The following RNF213 variants were observed in gnomAD, a reference collection of about 807,000 sequenced individuals.
RNF213 encodes the protein ring finger protein 213.
A neutral mutation model predicts 514.4 loss-of-function variants in RNF213; 341 were observed. The ratio of observed to expected loss-of-function variants is 0.66; its 90% CI spans 0.61 to 0.73. The LOEUF is 0.73. Ranked by LOEUF, RNF213 falls within the 30% of genes least tolerant of loss-of-function variation. The pLI, the probability that RNF213 is intolerant of heterozygous loss-of-function variation, is 0.00. For missense variants in RNF213, 5,767 were observed against 6,615.6 expected (o/e 0.87, Z 4.45); for synonymous variants, 2,655 against 2,658.2 (o/e 1.00, Z 0.04).
chr17:80,360,085 C>G lies in RNF213; in HGVS notation c.11079C>G (p.Ile3693Met). 2 of 1,614,166 alleles carry G rather than the reference C, an allele frequency of 1.2e-6. No homozygotes were observed. Among genetic ancestry groups the G allele is most frequent in the African/African-American group, 1.3e-5 (1 of 75,056 alleles). ...NERHKGEMAY[I>M]VVQNHMNLSE... ...GACATAAAGGTGAGATGGCCTACAT[C>G]GTGGTGCAGAACCACATGAACCTTT... The change falls in exon 38 of 68, where the codon ATC (isoleucine) becomes ATG (methionine). Residue 3693 changes from isoleucine to methionine, a missense_variant. Physicochemically the swap from Ile to Met is conservative, Grantham distance 10 (BLOSUM62 1). Coordinates refer to ENST00000582970, the MANE Select transcript of RNF213 (RefSeq NM_001256071.3).
Position 80,395,239 on chromosome 17 carries a change from C to CAAAA in RNF213, c.*1752_*1755dup, listed in dbSNP as rs34401044. The CAAAA allele has an allele frequency of 1.5e-5, 2 of 133,274 alleles. No homozygotes were observed. Among genetic ancestry groups the CAAAA allele is most frequent in the African/African-American group, 5.3e-5 (2 of 37,494 alleles). 8.3% of individuals were successfully genotyped at this position (133,274 alleles called of 1,614,324 possible). On this transcript the variant is annotated 3_prime_UTR_variant, in exon 68 of 68. Coordinates refer to ENST00000582970, the MANE Select transcript of RNF213 (RefSeq NM_001256071.3). ...CAGAAATATACTGGCCTAGCAGAGG[C>CAAAA]AAAAAAAAAAAAAATGAATTTTATT...
At position 80,315,252 on chromosome 17, in the gene RNF213, GACGTGA is replaced by G. The variant is rs1440723479; in HGVS notation, c.2812-1935_2812-1930del. On this transcript the variant is annotated intron_variant, in intron 15 of 67. Transcript: ENST00000582970. ...GGAGGTACTGGAGGTGATGGTGGTG[GACGTGA>G]TGGTGGAGGTAATGGAGGTGATGGT... Among the ~76,000 whole-genome samples the G allele has an allele frequency of 2.7e-4, 9 of 32,840 alleles. 1 individual carries two copies. Among genetic ancestry groups the G allele is most frequent in the Non-Finnish European group, 4.1e-4 (8 of 19,310 alleles). The allele number at this position is 32,840 out of a possible 152,430, so 21.5% of individuals were successfully genotyped here.
intron 42 of RNF213, chr17:80,365,122 C>G (rs979697513): frequency 6.0e-6 from 1 of 166,700 alleles, no homozygotes; most frequent in Non-Finnish European, 1.3e-5. Flanking sequence ...TGGTGTCCAG[C>G]AACAGTGGCC....
chr17:80,328,453 G>A lies in RNF213; in HGVS notation c.3493G>A (p.Gly1165Arg). Reference protein sequence around the residue: ...RCVDSLLKMCGNVKHLIQVDF... With the variant: ...RCVDSLLKMCRNVKHLIQVDF... Reference sequence around the variant, plus strand: ...TGTTGATAGTCTCCTGAAGATGTGTGGGAACGTGAAACATCTGATACAAGG... The same window carrying A: ...TGTTGATAGTCTCCTGAAGATGTGTAGGAACGTGAAACATCTGATACAAGG... Residue 1165 changes from glycine (G) to arginine (R), a missense_variant, in exon 20 of 68, where the codon GGG becomes AGG. By Grantham distance (125) the Gly-to-Arg change is moderately radical. Around this residue, in one of 13 missense-constraint regions of RNF213, gnomAD observed 516 missense variants for 566.5 expected, o/e 0.91. Transcript: ENST00000582970. 6.5e-7 allele frequency: 1 copy of A among 1,537,198 alleles called. No homozygotes were observed. The highest frequency in any genetic ancestry group is 8.7e-7 in the Non-Finnish European group (1 of 1,146,912).
At chr17:80,373,258 CCCCCACACCCCA>C in intron 49 of RNF213, 93 bp downstream of exon 49, 1 of 1,028,196 alleles carries the variant, frequency 9.7e-7, no homozygotes, top group Non-Finnish European at 1.4e-6. Context: ...CACCCTACCC[CCCCCACACCCCA>C]CCCCCTCACA....
chr17:80,396,955 C>T lies in RNF213; in HGVS notation c.*3457C>T, dbSNP rs1053927609. ...GTGCTCCACAGCCCATAAAAAACGC[C>T]TTCAGCCCTGCTGTGCTTCCCCTCA... is the stretch of plus-strand genomic sequence containing the variant. On this transcript the variant is annotated 3_prime_UTR_variant, in exon 68 of 68. Transcript: ENST00000582970. 1 of 152,324 alleles carries T rather than the reference C, an allele frequency of 6.6e-6. No individual in the cohort carries two copies. The highest frequency in any genetic ancestry group is 1.5e-5 in the Non-Finnish European group (1 of 68,160). The allele number at this position is 152,324 out of a possible 1,614,324, so 9.4% of individuals were successfully genotyped here.
At chr17:80,310,472 C>CA (rs988063035) in intron 14 of RNF213, among the ~76,000 whole-genome samples, 2 of 151,946 alleles carry the variant, frequency 1.3e-5, no homozygotes, top group African/African-American at 4.8e-5. Context: ...AAGCTGGTCT[C>CA]AAACGCCTGA....
Position 80,343,994 on chromosome 17 carries a change from G to A in RNF213, c.6321G>A (p.Pro2107=), listed in dbSNP as rs777754815. 25 of 1,614,186 alleles carry A rather than the reference G, an allele frequency of 1.5e-5. No individual in the cohort carries two copies. Among genetic ancestry groups the A allele is most frequent in the Middle Eastern group, 3.3e-4 (2 of 6,062 alleles). Residue 2107 remains proline (P), a synonymous_variant, in exon 28 of 68, where the codon CCG becomes CCA. Transcript: ENST00000582970. This position sits in a 1 kb window ranked among gnomAD's most constrained non-coding sequence, Gnocchi z 4.3. ...VEILERRTSV[P]SRSSSALRTR... is the part of the protein sequence containing the mutation. ...TCCTGGAAAGGAGGACGTCAGTGCC[G>A]TCGAGGAGCTCTTCAGCGCTGGTCT...
chr17:80,353,510 A>G lies in RNF213; in HGVS notation c.10424-2A>G. 1.2e-6 allele frequency: 2 copies of G among 1,608,652 alleles called. No individual in the cohort carries two copies. Among genetic ancestry groups the G allele is most frequent in the South Asian group, 1.1e-5 (1 of 90,290 alleles). On this transcript the variant is annotated splice_acceptor_variant, in intron 33 of 67. Coordinates refer to ENST00000582970, the MANE Select transcript of RNF213 (RefSeq NM_001256071.3). LOFTEE classifies it high-confidence loss of function. This position sits in a 1 kb window ranked among gnomAD's most constrained non-coding sequence, Gnocchi z 5.0. ...ACGCAATCACGTTTGCTTCGACTGC[A>G]GTGGGCTTGGAACACCGGGCGGAAG...
At position 80,367,985 on chromosome 17, in the gene RNF213, C is replaced by G. The variant is rs748912687; in HGVS notation, c.11997C>G (p.Ile3999Met). 3.7e-6 allele frequency: 6 copies of G among 1,614,146 alleles called. No individual in the cohort carries two copies. The East Asian group carries it at 8.9e-5, about 24-fold the overall frequency. Reference sequence around the variant, plus strand: ...GGTTTGGGATTCAGCCGTGCTCCATCTGCCTGGGAGATGCAAAGGACCCCG... The same window carrying G: ...GGTTTGGGATTCAGCCGTGCTCCATGTGCCTGGGAGATGCAAAGGACCCCG... ...LSRFGIQPCS[I>M]CLGDAKDPVC... Residue 3999 changes from isoleucine to methionine, a missense_variant, in exon 44 of 68, where the codon ATC becomes ATG. Transcript: ENST00000582970.
At position 80,339,473 on chromosome 17, in the gene RNF213, C is replaced by T. The variant is rs1175027425; in HGVS notation, c.5106C>T (p.Asn1702=). ...TQKRMEHFYL[N]FYTAEQLVYL... is the part of the protein sequence containing the mutation. ...AGCGAATGGAGCACTTTTACCTGAA[C>T]TTCTACACGGCAGAGCAGCTGGTTT... Residue 1702 remains asparagine (N), a synonymous_variant, in exon 26 of 68, where the codon AAC becomes AAT. Transcript: ENST00000582970. The T allele has an allele frequency of 9.1e-6, 14 of 1,537,128 alleles. No homozygotes were observed. In the African/African-American group the frequency reaches 1.5e-4, roughly 17 times the overall value.
At chr17:80,301,596 T>C (rs1039985835) in intron 11 of RNF213, among the ~76,000 whole-genome samples, 15 of 152,112 alleles carry the variant, frequency 9.9e-5, no homozygotes, top group African/African-American at 3.6e-4. Context: ...CAATGAGATA[T>C]GGTCTTACCC....
chr17:80,385,543 T>G lies in RNF213; in HGVS notation c.14461T>G (p.Leu4821Val), dbSNP rs1318197924. The G allele has an allele frequency of 1.9e-6, 3 of 1,613,954 alleles. No individual in the cohort carries two copies. The highest frequency in any genetic ancestry group is 2.5e-6 in the Non-Finnish European group (3 of 1,179,980). The change falls in exon 61 of 68, where the codon TTG becomes GTG. Residue 4821 changes from leucine (L) to valine (V), a missense_variant. This residue lies in a region of RNF213 where 1,245 missense variants were observed against 1,339.0 expected (regional missense o/e 0.93). Coordinates refer to ENST00000582970, the MANE Select transcript of RNF213 (RefSeq NM_001256071.3). ...GFLSKHSSDG[L>V]RQLLHNRITV... ...CCAAGTATTCTGTTCAACAGATGGG[T>G]TGAGGCAGCTGCTTCACAACAGGAT...
intron 17 of RNF213, chr17:80,319,573 C>A: frequency 1.3e-6 from 2 of 1,593,042 alleles, no homozygotes; most frequent in Non-Finnish European, 1.7e-6. Context: ...GCGCGTGTGG[C>A]ACAAGTCACA....
At chr17:80,284,651 G>A (rs569402462) in intron 3 of RNF213, among the ~76,000 whole-genome samples, 3 of 152,234 alleles carry the variant, frequency 2.0e-5, no homozygotes, top group Non-Finnish European at 2.9e-5. Context: ...GATGAGCCCC[G>A]AGCCTGTAGG....
Position 80,354,100 on chromosome 17 carries a change from T to G in RNF213, c.10660T>G (p.Cys3554Gly). The G allele has an allele frequency of 6.2e-7, 1 of 1,614,086 alleles. No homozygotes were observed. ...VGMLRDQNESCTRNMRRVVLL... is the reference protein window; with the variant it reads ...VGMLRDQNESGTRNMRRVVLL... ...CATGCTCAGAGACCAGAACGAGAGC[T>G]GCACGCGCAATATGCGGAGGGTGGT... Residue 3554 changes from cysteine (C) to glycine (G), a missense_variant, in exon 35 of 68, where the codon TGC (cysteine) becomes GGC (glycine). Cys to Gly is a radical substitution (Grantham distance 159, BLOSUM62 -3). This residue lies in a region of RNF213 where 919 missense variants were observed against 1,121.0 expected (regional missense o/e 0.82). Transcript: ENST00000582970.
Position 80,279,185 on chromosome 17 carries a change from G to A in RNF213, c.261+5781G>A, listed in dbSNP as rs112745679. On this transcript the variant is annotated intron_variant, in intron 3 of 67. Coordinates refer to ENST00000582970, the MANE Select transcript of RNF213 (RefSeq NM_001256071.3). ...ATCCTTCCACTTGCCTTTTTACTCC[G>A]TGCAGCTGTCCCCTTGGACACCTGG... 5.1e-3 allele frequency among the ~76,000 whole-genome samples: 770 copies of A among 152,276 alleles called. 1 individual carries two copies. Among genetic ancestry groups the A allele is most frequent in the Non-Finnish European group, 8.5e-3 (580 of 68,034 alleles).
chr17:80,388,495 T>C, intron 63 of RNF213, 117 bp from the exon 64 acceptor site: 1 of 773,512 alleles, frequency 1.3e-6, no homozygotes. Context: ...AGCCAAGGGA[T>C]ACACAGGGCA....
chr17:80,381,897 T>C (rs1040744838), intron 57 of RNF213, 170 bp downstream of exon 57: 12 of 696,840 alleles, frequency 1.7e-5, no homozygotes, highest in Non-Finnish European at 2.4e-5. Context: ...GGGAAGGCGA[T>C]GCCTGGGGCT....
Sources: gnomAD v4.1 joint callset for allele counts (sites outside exome capture counted in the v4.1 genomes callset) on GRCh38, gnomAD v4.1.1 for gene constraint, gnomAD v4.1.1 regional missense constraint, Gnocchi (gnomAD v3.1) non-coding constraint, MANE v1.5 for transcripts, NCBI Gene and HGNC (gene_info 2026-07-23, HGNC 2026-07-21) for gene names.